CCDC171: variants seen among roughly 807,000 people sequenced by gnomAD.
The protein encoded by CCDC171 is coiled-coil domain-containing protein 171.
In CCDC171, 177 loss-of-function variants were observed where a neutral mutation model predicts 168.2. The ratio of observed to expected loss-of-function variants is 1.05; its 90% CI spans 0.93 to 1.19. CCDC171 has a LOEUF of 1.19. Ranked by LOEUF, CCDC171 falls within the 50% of genes most tolerant of loss-of-function variation. CCDC171 has a pLI of 0.00. For synonymous variants in CCDC171, 687 were observed against 540.8 expected (o/e 1.27, Z -3.75); for missense variants, 1,991 against 1,539.0 (o/e 1.29, Z -4.91).
chr9:16,088,026 G>T, the CCDC171 span, among the ~76,000 whole-genome samples: 1 of 152,084 alleles, frequency 6.6e-6, no homozygotes, highest in East Asian at 1.9e-4. Flanking sequence ...TATCCACCAC[G>T]ATCAACTTGG....
At chr9:15,863,722 T>C (rs923772331) in intron 23 of CCDC171, among the ~76,000 whole-genome samples, 3 of 152,100 alleles carry the variant, frequency 2.0e-5, no homozygotes, top group Non-Finnish European at 4.4e-5. Flanking sequence ...ATGTTTAGAC[T>C]TCCTCAAGGA....
At chr9:15,632,720 C>G (rs568694494) in intron 7 of CCDC171, among the ~76,000 whole-genome samples, 1 of 152,262 alleles carries the variant, frequency 6.6e-6, no homozygotes, top group East Asian at 1.9e-4. Context: ...CCAAGTCAAT[C>G]CTAAGCCAAA....
intron 13 of CCDC171, among the ~76,000 whole-genome samples, chr9:15,724,573 C>T (rs1212361887): frequency 6.6e-6 from 1 of 152,044 alleles, no homozygotes; most frequent in Non-Finnish European, 1.5e-5. Flanking sequence ...TTAAACATAA[C>T]AAATGTTCTA....
intron 9 of CCDC171, among the ~76,000 whole-genome samples, chr9:15,667,745 C>A (rs761629323): frequency 1.3e-5 from 2 of 152,064 alleles, no homozygotes; most frequent in Non-Finnish European, 2.9e-5. Flanking sequence ...ACAAAAATCA[C>A]GAAGATTGCA....
intron 1 of CCDC171, among the ~76,000 whole-genome samples, chr9:16,047,084 A>G (rs1351213489): frequency 6.6e-6 from 1 of 152,116 alleles, no homozygotes; most frequent in African/African-American, 2.4e-5. Context: ...TCCCTGGGTG[A>G]CCTCTTAAAC....
At chr9:15,944,059 T>A (rs1022318429) in intron 25 of CCDC171, among the ~76,000 whole-genome samples, 12 of 152,126 alleles carry the variant, frequency 7.9e-5, no homozygotes, top group Non-Finnish European at 1.0e-4. Context: ...GCAGTAATGT[T>A]GATGTTTTTA....
Position 15,647,527 on chromosome 9 carries a change from A to C in CCDC171, c.823-9600A>C, listed in dbSNP as rs1325056783. Among the ~76,000 whole-genome samples the C allele has an allele frequency of 2.6e-5, 4 of 152,218 alleles. No individual in the cohort carries two copies. The East Asian group carries it at 5.8e-4, about 22-fold the overall frequency. On this transcript the variant is annotated intron_variant, in intron 7 of 25. Coordinates refer to ENST00000380701, the MANE Select transcript of CCDC171 (RefSeq NM_173550.4). ...AGACTAATAAAGAAGAAAAGAGAGA[A>C]GAATCAAATAGACACAATAAAAAAT...
At chr9:15,576,359 A>G (rs2040663383) in intron 3 of CCDC171, among the ~76,000 whole-genome samples, 1 of 151,506 alleles carries the variant, frequency 6.6e-6, no homozygotes, top group Non-Finnish European at 1.5e-5. Context: ...ATTTATTATT[A>G]TTATTATTTG....
chr9:15,584,020 C>G (rs369533176), intron 4 of CCDC171, among the ~76,000 whole-genome samples: 1 of 152,140 alleles, frequency 6.6e-6, no homozygotes. Context: ...GTGCCCACCA[C>G]CACGCCCGGC....
chr9:15,847,612 A>G (rs891223313), intron 22 of CCDC171, among the ~76,000 whole-genome samples: 4 of 152,128 alleles, frequency 2.6e-5, no homozygotes, highest in African/African-American at 9.6e-5. Context: ...GAGTAAAGAA[A>G]CATCTAATTT....
intron 1 of CCDC171, among the ~76,000 whole-genome samples, chr9:15,559,184 T>C (rs2039063544): frequency 6.6e-6 from 1 of 152,176 alleles, no homozygotes; most frequent in South Asian, 2.1e-4. Flanking sequence ...AAGTGTGATG[T>C]GGTGCCGAGA....
chr9:16,065,824 G>GTT (rs1275153870), downstream of CCDC171, among the ~76,000 whole-genome samples: 7 of 151,150 alleles, frequency 4.6e-5, no homozygotes, highest in Admixed American at 1.3e-4. Flanking sequence ...GTGTGTGTGT[G>GTT]TGTGTGTGTG....
chr9:15,587,794 A>C, intron 4 of CCDC171: 1 of 294,316 alleles, frequency 3.4e-6, no homozygotes, highest in East Asian at 8.9e-5. Context: ...AACCCTTTAA[A>C]ATGGAGAGAA....
intron 18 of CCDC171, among the ~76,000 whole-genome samples, chr9:15,753,586 A>ACCC (rs1289427024): frequency 6.6e-6 from 1 of 152,126 alleles, no homozygotes; most frequent in Non-Finnish European, 1.5e-5. Context: ...AATAATTAAG[A>ACCC]CCCTGATAAA....
At chr9:15,964,838 G>A (rs936483712) in intron 25 of CCDC171, among the ~76,000 whole-genome samples, 1 of 152,134 alleles carries the variant, frequency 6.6e-6, no homozygotes, top group East Asian at 1.9e-4. Flanking sequence ...TCAGCTCACT[G>A]CAACCTCTGC....
intron 21 of CCDC171, among the ~76,000 whole-genome samples, chr9:15,838,487 T>C (rs999891651): frequency 2.6e-5 from 4 of 152,228 alleles, no homozygotes; most frequent in Non-Finnish European, 4.4e-5. Context: ...CATGGCCTTC[T>C]ATTACAATAG....
intron 7 of CCDC171, among the ~76,000 whole-genome samples, chr9:15,646,315 C>T (rs1445597354): frequency 6.6e-6 from 1 of 151,380 alleles, no homozygotes; most frequent in Admixed American, 6.6e-5. Flanking sequence ...AAAGACCATC[C>T]ATGCTAGGAA....
intron 3 of CCDC171, among the ~76,000 whole-genome samples, chr9:16,007,049 C>T (rs375607867): frequency 1.3e-5 from 2 of 152,302 alleles, no homozygotes; most frequent in South Asian, 2.1e-4. Context: ...GTCCCACCAA[C>T]AGTGTAAAAG....
chr9:16,056,184 A>C (rs1052043045), intron 1 of CCDC171, among the ~76,000 whole-genome samples: 2 of 152,194 alleles, frequency 1.3e-5, no homozygotes, highest in Non-Finnish European at 2.9e-5. Flanking sequence ...GAAAATAAGA[A>C]ATTTGTGTCT....
Sources: allele counts gnomAD v4.1 joint callset (sites outside exome capture counted in the v4.1 genomes callset), GRCh38; gene constraint gnomAD v4.1.1; transcripts MANE v1.5; gene names NCBI Gene and HGNC (gene_info 2026-07-23, HGNC 2026-07-21).